The following ASAH2B variants were observed in gnomAD, a reference collection of about 807,000 sequenced individuals.
ASAH2B encodes the protein putative inactive neutral ceramidase B.
In ASAH2B, 1 loss-of-function variant was observed where a neutral mutation model predicts 2.9. That is an observed-to-expected ratio of 0.34 (90% confidence interval 0.12 to 1.63). ASAH2B has a LOEUF of 1.63. Among genes scored for constraint, ASAH2B ranks in the 40% most tolerant of loss-of-function variants. The pLI is 0.36. For synonymous variants in ASAH2B, 4 were observed against 13.3 expected, an observed-to-expected ratio of 0.30 and a Z score of 1.52; for missense variants, 9 against 37.7, an observed-to-expected ratio of 0.24 and a Z score of 1.99.
chr10:50,744,097 A>G (rs898460778), intron 2 of ASAH2B, among the ~76,000 whole-genome samples: 1 of 151,344 alleles, frequency 6.6e-6, no homozygotes, highest in African/African-American at 2.4e-5. Flanking sequence ...GTTTGTATTT[A>G]TTTATTTATT....
chr10:50,741,122 A>G lies in ASAH2B; in HGVS notation c.-100+1139A>G, dbSNP rs771511435. ...CATGTGACTGTTTAGAGTTAGAATG[A>G]AATTAATTAAAAATTCATTTTTTCA... On this transcript the variant is annotated intron_variant, in intron 1 of 5. Transcript: ENST00000647317. Among the ~76,000 whole-genome samples, 43 of 152,212 alleles carry G rather than the reference A, an allele frequency of 2.8e-4. 1 individual carries two copies. Among genetic ancestry groups the G allele is most frequent in the Admixed American group, 6.5e-5 (1 of 15,288 alleles).
chr10:50,754,387 T>C (rs1426638220), intron 5 of ASAH2B, among the ~76,000 whole-genome samples, 164 bp from the exon 6 acceptor site: 1 of 116,484 alleles, frequency 8.6e-6, no homozygotes, highest in Non-Finnish European at 1.7e-5. Flanking sequence ...AATAGACGTT[T>C]TTGTCTGTTT....
At chr10:50,740,385 G>T (rs1839810782) in intron 1 of ASAH2B, among the ~76,000 whole-genome samples, 1 of 152,146 alleles carries the variant, frequency 6.6e-6, no homozygotes, top group Non-Finnish European at 1.5e-5. Flanking sequence ...CAGCTATTCA[G>T]TTTCAAAGCG....
intron 2 of ASAH2B, among the ~76,000 whole-genome samples, chr10:50,744,402 A>G (rs1164601367): frequency 6.6e-6 from 1 of 151,682 alleles, no homozygotes; most frequent in East Asian, 1.9e-4. Context: ...CTCATTTGCA[A>G]AATGGGAATG....
At position 50,755,974 on chromosome 10, in the gene ASAH2B, A is replaced by G. The variant is rs1218132838; in HGVS notation, c.*1234A>G. 1.5e-5 allele frequency: 2 copies of G among 133,606 alleles called. No individual in the cohort carries two copies. Among genetic ancestry groups the G allele is most frequent in the African/African-American group, 2.5e-5 (1 of 40,366 alleles). The allele number at this position is 133,606 out of a possible 1,614,324, so 8.3% of individuals were successfully genotyped here. On this transcript the variant is annotated 3_prime_UTR_variant, in exon 6 of 6. Coordinates refer to ENST00000647317, the MANE Select transcript of ASAH2B (RefSeq NM_001321958.2). ...TTTGCTAAATACTATTTTGAAAGTT[A>G]TTTTTGGGCATTGTAAAATACCTTG...
In ASAH2B at chr10:50,748,827, T is replaced by G. The variant is rs541416549; in HGVS notation, c.145-516T>G. Among the ~76,000 whole-genome samples, 439 of 151,330 alleles carry G rather than the reference T, an allele frequency of 2.9e-3. 15 individuals are homozygous for G. The highest frequency in any genetic ancestry group is 0.011 in the African/African-American group (430 of 40,856). ...TTGTTTGTCTGCTGCCACTCAAATA[T>G]CACTGTCTTTCTTTGTCACTTGAAA... On this transcript the variant is annotated intron_variant, in intron 3 of 5. Transcript: ENST00000647317.
At chr10:50,743,447 A>G (rs766317971) in intron 2 of ASAH2B, among the ~76,000 whole-genome samples, 4 of 150,424 alleles carry the variant, frequency 2.7e-5, no homozygotes, top group Non-Finnish European at 5.9e-5. Context: ...TAAGATGCCC[A>G]TTTTCCACAT....
At position 50,757,757 on chromosome 10, in the gene ASAH2B, A is replaced by G. The variant is rs1341010977; in HGVS notation, c.*3017A>G. On this transcript the variant is annotated 3_prime_UTR_variant, in exon 6 of 6. Transcript: ENST00000647317. ...GAGTGATAGGGTATCGGAGAGGGAA[A>G]TTTGCACATTCCTTATGCAATTTGT... The G allele has an allele frequency of 9.9e-5, 15 of 150,898 alleles. No homozygotes were observed. Among genetic ancestry groups the G allele is most frequent in the Non-Finnish European group, 5.9e-5 (4 of 67,432 alleles). The allele number at this position is 150,898 out of a possible 1,614,324, so 9.3% of individuals were successfully genotyped here.
rs141006980 is a variant in ASAH2B, at chr10:50,743,009, C to T, written c.-5C>T. On this transcript the variant is annotated splice_region_variant and 5_prime_UTR_variant, in exon 2 of 6. It adds an upstream start codon to the 5' untranslated region. Coordinates refer to ENST00000647317, the MANE Select transcript of ASAH2B (RefSeq NM_001321958.2). The stretch of plus-strand genomic sequence containing the variant: ...AGAAACCTTGCTAAGGCTATTGCTA[C>T]GGTAATCAAATATTGTTTGTGCGTG... The T allele has an allele frequency of 3.3e-4, 539 of 1,613,634 alleles. No individual in the cohort carries two copies. Among genetic ancestry groups the T allele is most frequent in the Non-Finnish European group, 4.2e-4 (492 of 1,179,870 alleles).
chr10:50,744,901 TG>T (rs1415708459), intron 2 of ASAH2B, among the ~76,000 whole-genome samples: 1 of 151,408 alleles, frequency 6.6e-6, no homozygotes, highest in East Asian at 1.9e-4. Flanking sequence ...ATAAAAGAGT[TG>T]CCTATGACCA....
intron 1 of ASAH2B, among the ~76,000 whole-genome samples, chr10:50,740,650 C>G (rs1370094910): frequency 6.6e-6 from 1 of 152,096 alleles, no homozygotes; most frequent in African/African-American, 2.4e-5. Context: ...ATAGATAGAC[C>G]AAACATTTAT....
intron 3 of ASAH2B, among the ~76,000 whole-genome samples, chr10:50,745,597 T>G (rs1404561456): frequency 1.4e-5 from 2 of 143,872 alleles, no homozygotes; most frequent in East Asian, 4.0e-4. Flanking sequence ...GTACCATTAC[T>G]ATTTTATATC....
chr10:50,740,254 C>T (rs1839808584), intron 1 of ASAH2B, among the ~76,000 whole-genome samples: 1 of 152,076 alleles, frequency 6.6e-6, no homozygotes, highest in South Asian at 2.1e-4. Flanking sequence ...CGACTCGGAC[C>T]TGAGCCGAAT....
chr10:50,745,806 G>T, intron 3 of ASAH2B, among the ~76,000 whole-genome samples: 1 of 144,754 alleles, frequency 6.9e-6, no homozygotes, highest in South Asian at 2.3e-4. Context: ...ATCCTTATTG[G>T]ACTGGCTAGA....
Position 50,756,434 on chromosome 10 carries a change from G to A in ASAH2B, c.*1694G>A, listed in dbSNP as rs1274464664. On this transcript the variant is annotated 3_prime_UTR_variant, in exon 6 of 6. Coordinates refer to ENST00000647317, the MANE Select transcript of ASAH2B (RefSeq NM_001321958.2). ...CAGTCTTCAGTGTAAAAGTTCAGAAGCCTAAAAGAACAAGTGATCCTGAAA... is the reference window on the plus strand; with the variant it reads ...CAGTCTTCAGTGTAAAAGTTCAGAAACCTAAAAGAACAAGTGATCCTGAAA... 1 of 151,918 alleles carries A rather than the reference G, an allele frequency of 6.6e-6. No individual in the cohort carries two copies. The highest frequency in any genetic ancestry group is 1.5e-5 in the Non-Finnish European group (1 of 67,852). The allele number at this position is 151,918 out of a possible 1,614,324, so 9.4% of individuals were successfully genotyped here. A position where few individuals can be genotyped will look rare whatever the true frequency, so the allele number is the denominator to read the frequency against.
At chr10:50,746,301 G>T (rs1839904486) in intron 3 of ASAH2B, among the ~76,000 whole-genome samples, 1 of 151,166 alleles carries the variant, frequency 6.6e-6, no homozygotes, top group Admixed American at 6.6e-5. Context: ...TGTTCTCCAG[G>T]TTTATCCATG....
chr10:50,743,917 G>C (rs1484341837), intron 2 of ASAH2B, among the ~76,000 whole-genome samples: 1 of 150,734 alleles, frequency 6.6e-6, no homozygotes, highest in Non-Finnish European at 1.5e-5. Flanking sequence ...GTCTCTGTAG[G>C]TTGCATCAGT....
rs920001914 is a variant in ASAH2B at position 50,744,504 on chromosome 10, A to G, written c.-3-624A>G. On this transcript the variant is annotated intron_variant, in intron 2 of 5. Coordinates refer to ENST00000647317, the MANE Select transcript of ASAH2B (RefSeq NM_001321958.2). ...GAGCATTAAATATTCATTGAAATTA[A>G]TGGCAAAATGCCAATTACTTTTGTA... is the stretch of plus-strand genomic sequence containing the variant. Among the ~76,000 whole-genome samples, 10 of 151,674 alleles carry G rather than the reference A, an allele frequency of 6.6e-5. 1 individual carries two copies. Among genetic ancestry groups the G allele is most frequent in the African/African-American group, 2.4e-4 (10 of 40,976 alleles).
rs567646122 is a variant in ASAH2B, at chr10:50,742,953, G to T, written c.-61G>T. On this transcript the variant is annotated 5_prime_UTR_variant, in exon 2 of 6. Coordinates refer to ENST00000647317, the MANE Select transcript of ASAH2B (RefSeq NM_001321958.2). ...AGGCAGCATCGACAATTTATGGACC[G>T]CACGCATTATCTGCTTACATTCAGC... The T allele has an allele frequency of 6.2e-7, 1 of 1,614,048 alleles. No individual in the cohort carries two copies. The highest frequency in any genetic ancestry group is 1.1e-5 in the South Asian group (1 of 91,072).
Sources: gnomAD v4.1 joint callset for allele counts (sites outside exome capture counted in the v4.1 genomes callset) on GRCh38, gnomAD v4.1.1 for gene constraint, MANE v1.5 for transcripts, NCBI Gene and HGNC (gene_info 2026-07-23, HGNC 2026-07-21) for gene names.